PITPNM2: variants seen among roughly 807,000 people sequenced by gnomAD.
The protein encoded by PITPNM2 is membrane-associated phosphatidylinositol transfer protein 2.
PITPNM2 carries 35 observed loss-of-function variants against 132.2 expected under a neutral mutation model. The observed-to-expected ratio is 0.26, with a 90% confidence interval of 0.20 to 0.35. The LOEUF is 0.35. PITPNM2 is among the 10% of genes least tolerant of loss of function. PITPNM2 has a pLI of 1.00. For missense variants in PITPNM2, 1,332 were observed against 1,912.0 expected, an observed-to-expected ratio of 0.70 and a Z score of 5.66; for synonymous variants, 738 against 799.2, an observed-to-expected ratio of 0.92 and a Z score of 1.29.
Position 123,111,128 on chromosome 12 carries a change from A to G in PITPNM2, c.-199-640T>C, listed in dbSNP as rs1044494344. On this transcript the variant is annotated intron_variant, in intron 1 of 25. Coordinates refer to ENST00000320201, the MANE Select transcript of PITPNM2 (RefSeq NM_020845.3). This position sits in a 1 kb window ranked among gnomAD's most constrained non-coding sequence, Gnocchi z 4.1. ...AGGTCCAACAGCCTCAGAGATGACAAAGTCTTCACAGGTACCACTGAAGCC... is the reference window on the plus strand; with the variant it reads ...AGGTCCAACAGCCTCAGAGATGACAGAGTCTTCACAGGTACCACTGAAGCC... Among the ~76,000 whole-genome samples, 1 of 152,212 alleles carries G rather than the reference A, an allele frequency of 6.6e-6. No individual in the cohort carries two copies. The highest frequency in any genetic ancestry group is 1.5e-5 in the Non-Finnish European group (1 of 68,042).
chr12:123,113,711 A>AC (rs58869258), intron 1 of PITPNM2, among the ~76,000 whole-genome samples: 103,968 of 151,414 alleles, frequency 0.69, 35,884 homozygotes, highest in Non-Finnish European at 0.71. Context: ...AACCCAACAA[A>AC]CCCCCCCACC....
At chr12:123,134,669 T>G (rs929409657) in intron 1 of PITPNM2, among the ~76,000 whole-genome samples, 14 of 152,098 alleles carry the variant, frequency 9.2e-5, no homozygotes, top group African/African-American at 3.4e-4. Flanking sequence ...AATGCTTAGA[T>G]TCCAAGGTTA....
At chr12:123,132,506 T>G (rs1421054308) in intron 1 of PITPNM2, among the ~76,000 whole-genome samples, 1 of 148,732 alleles carries the variant, frequency 6.7e-6, no homozygotes. Context: ...GTCATTCTTT[T>G]GTTCTTTTCT....
chr12:123,039,126 C>G (rs2040374362), intron 2 of PITPNM2, among the ~76,000 whole-genome samples: 1 of 152,032 alleles, frequency 6.6e-6, no homozygotes, highest in Admixed American at 6.6e-5. Context: ...CCACCATGCA[C>G]CCCTGGCACG....
At chr12:123,143,944 G>A (rs1387854694) in intron 1 of PITPNM2, among the ~76,000 whole-genome samples, 2 of 152,208 alleles carry the variant, frequency 1.3e-5, no homozygotes, top group African/African-American at 4.8e-5. Flanking sequence ...GATACACCGT[G>A]GGGGCTGACA....
At chr12:123,123,701 G>A (rs1010450468) in intron 1 of PITPNM2, among the ~76,000 whole-genome samples, 1 of 152,118 alleles carries the variant, frequency 6.6e-6, no homozygotes, top group African/African-American at 2.4e-5. Flanking sequence ...TTGGGAGGCT[G>A]AGACAGGTGG....
At chr12:123,012,359 C>T (rs767996576) in intron 5 of PITPNM2, among the ~76,000 whole-genome samples, 9 of 152,254 alleles carry the variant, frequency 5.9e-5, no homozygotes, top group South Asian at 2.1e-4. Context: ...GTAGGGATCC[C>T]GCAAAGGGAT....
chr12:123,072,227 C>T (rs745323690), intron 2 of PITPNM2, among the ~76,000 whole-genome samples: 40 of 152,172 alleles, frequency 2.6e-4, no homozygotes, highest in Non-Finnish European at 8.8e-5. Context: ...GGGCATCCAT[C>T]GCTAACTCTG....
chr12:122,991,334 G>C (rs191537211), intron 16 of PITPNM2, among the ~76,000 whole-genome samples: 1 of 152,328 alleles, frequency 6.6e-6, no homozygotes, highest in African/African-American at 2.4e-5. Context: ...ACCTGGACGG[G>C]GTACAGGAGG....
chr12:123,045,284 C>T (rs1388323644), intron 2 of PITPNM2, among the ~76,000 whole-genome samples: 1 of 152,206 alleles, frequency 6.6e-6, no homozygotes, highest in Non-Finnish European at 1.5e-5. Flanking sequence ...CCCTTTATAG[C>T]AAATCCTCCT....
At chr12:123,002,422 T>A (rs1432219232) in intron 8 of PITPNM2, among the ~76,000 whole-genome samples, 1 of 152,226 alleles carries the variant, frequency 6.6e-6, no homozygotes, top group Non-Finnish European at 1.5e-5. Flanking sequence ...TTATATATTT[T>A]ATTTTTTTGA....
rs150472067 is a variant in PITPNM2 at position 123,074,096 on chromosome 12, G to A, written c.-96+36289C>T. 7.0e-3 allele frequency among the ~76,000 whole-genome samples: 1,070 copies of A among 152,342 alleles called. 14 individuals are homozygous for A. Among genetic ancestry groups the A allele is most frequent in the African/African-American group, 0.024 (985 of 41,568 alleles). Reference sequence around the variant, plus strand: ...AGGCAGAGGGAGGGAGGGAGCGAAGGAGTGAAAGAGCCAAGGATCCAAGTT... The same window carrying A: ...AGGCAGAGGGAGGGAGGGAGCGAAGAAGTGAAAGAGCCAAGGATCCAAGTT... On this transcript the variant is annotated intron_variant, in intron 2 of 25. Transcript: ENST00000320201.
At position 123,110,370 on chromosome 12, in the gene PITPNM2, G is replaced by A. The variant is rs1238821671; in HGVS notation, c.-96+15C>T. ...CTGGGAAGTAGGGTGCTACTGCACA[G>A]GTGGACGGCCTTACCTGTGGGTCTG... On this transcript the variant is annotated intron_variant, in intron 2 of 25. Coordinates refer to ENST00000320201, the MANE Select transcript of PITPNM2 (RefSeq NM_020845.3). 6.6e-6 allele frequency: 1 copy of A among 152,346 alleles called. No individual in the cohort carries two copies. The highest frequency in any genetic ancestry group is 2.4e-5 in the African/African-American group (1 of 41,474). 9.4% of individuals were successfully genotyped at this position (152,346 alleles called of 1,614,324 possible).
chr12:122,987,291 C>T lies in PITPNM2; in HGVS notation c.3403G>A (p.Asp1135Asn). 1 of 1,611,610 alleles carries T rather than the reference C, an allele frequency of 6.2e-7. No homozygotes were observed. The highest frequency in any genetic ancestry group is 8.5e-7 in the Non-Finnish European group (1 of 1,179,984). ...CTCTGGGCCACTCACCGCACCACGT[C>T]CACGGCCCCGGCCCGCACCTTGGGG... ...SDPKVRAGAVDVVRHWQDLGY... is the reference protein window; with the variant it reads ...SDPKVRAGAVNVVRHWQDLGY... Residue 1135 changes from aspartate to asparagine, a missense_variant, in exon 23 of 26, where the codon GAC becomes AAC. By Grantham distance (23) the Asp-to-Asn change is conservative. Around this residue, in one of 6 missense-constraint regions of PITPNM2, gnomAD observed 251 missense variants for 472.0 expected, o/e 0.53. Coordinates refer to ENST00000320201, the MANE Select transcript of PITPNM2 (RefSeq NM_020845.3).
At chr12:123,052,068 A>C (rs1358023075) in intron 2 of PITPNM2, among the ~76,000 whole-genome samples, 3 of 145,422 alleles carry the variant, frequency 2.1e-5, no homozygotes, top group African/African-American at 7.6e-5. Context: ...ATGCCCGGTT[A>C]ATTTTATTGT....
In PITPNM2 at chr12:122,996,737, A is replaced by G; in HGVS notation, c.1646T>C (p.Met549Thr). 1 of 1,611,606 alleles carries G rather than the reference A, an allele frequency of 6.2e-7. No homozygotes were observed. Among genetic ancestry groups the G allele is most frequent in the East Asian group, 2.2e-5 (1 of 44,878 alleles). ...GGGACTCACCTGCCCATTGAAGGTC[A>G]TGCCCTCCTGGGACTTGATGAAGTC... is the stretch of plus-strand genomic sequence containing the variant. ...YGDFIKSQEG[M>T]TFNGQVCLIG... The change falls in exon 12 of 26, where the codon ATG (methionine) becomes ACG (threonine). Residue 549 changes from methionine (M) to threonine (T), a missense_variant. Coordinates refer to ENST00000320201, the MANE Select transcript of PITPNM2 (RefSeq NM_020845.3).
Position 123,138,981 on chromosome 12 carries a change from T to G in PITPNM2, c.-200+11772A>C, listed in dbSNP as rs367761779. 4.6e-5 allele frequency among the ~76,000 whole-genome samples: 7 copies of G among 150,768 alleles called. No individual in the cohort carries two copies. In the East Asian group the frequency reaches 7.9e-4, roughly 17 times the overall value. ...AGCAAGACCCTGTCTCTACAAAAAA[T>G]TAGGCAATTAGCCAGGCACTGTGAT... is the stretch of plus-strand genomic sequence containing the variant. On this transcript the variant is annotated intron_variant, in intron 1 of 25. Transcript: ENST00000320201.
chr12:123,086,838 G>C (rs1290614695), intron 2 of PITPNM2, among the ~76,000 whole-genome samples: 2 of 152,210 alleles, frequency 1.3e-5, no homozygotes, highest in Non-Finnish European at 2.9e-5. Flanking sequence ...GCACAGCTCT[G>C]ACTTCCGGAC....
rs187820410 is a variant in PITPNM2, at chr12:123,082,597, C to T, written c.-96+27788G>A. The stretch of plus-strand genomic sequence containing the variant: ...GAATACAGGCGCCCACCACCATGCC[C>T]GGCTAATTTTTATATTTTTAGTAAG... On this transcript the variant is annotated intron_variant, in intron 2 of 25. Transcript: ENST00000320201. The surrounding 1 kb of genome is among the most constrained non-coding windows in gnomAD (Gnocchi z 5.4). Among the ~76,000 whole-genome samples, 91 of 152,190 alleles carry T rather than the reference C, an allele frequency of 6.0e-4. No homozygotes were observed. The highest frequency in any genetic ancestry group is 1.7e-3 in the African/African-American group (71 of 41,502).
Sources: allele counts gnomAD v4.1 joint callset (sites outside exome capture counted in the v4.1 genomes callset), GRCh38; gene constraint gnomAD v4.1.1; regional missense constraint gnomAD v4.1.1; non-coding constraint Gnocchi (gnomAD v3.1); transcripts MANE v1.5; gene names NCBI Gene and HGNC (gene_info 2026-07-23, HGNC 2026-07-21).